The following KLC2 variants were observed in gnomAD, a reference collection of about 807,000 sequenced individuals.
KLC2 encodes kinesin light chain 2, also known as KLC 2.
Under a neutral mutation model 75.1 loss-of-function variants are expected in KLC2, and 35 were observed. The ratio of observed to expected loss-of-function variants is 0.47; its 90% CI spans 0.36 to 0.62. KLC2 has a LOEUF of 0.62. Among genes scored for constraint, KLC2 ranks in the 20% least tolerant of loss-of-function variants. The pLI is 0.00. For missense variants in KLC2, 611 were observed against 833.2 expected (o/e 0.73, Z 3.28); for synonymous variants, 314 against 336.7 (o/e 0.93, Z 0.74).
chr11:66,266,057 C>T (rs1856801781), intron 13 of KLC2, 36 bp from the exon 14 acceptor site: 2 of 1,613,722 alleles, frequency 1.2e-6, no homozygotes, highest in Non-Finnish European at 1.7e-6. Flanking sequence ...GCCTAGGTGG[C>T]CAGCGGGGCC....
chr11:66,249,465 T>G, the KLC2 span, among the ~76,000 whole-genome samples: 1 of 152,170 alleles, frequency 6.6e-6, no homozygotes, highest in African/African-American at 2.4e-5. Flanking sequence ...CGCCACCCCT[T>G]TCACCTGCCG....
upstream of KLC2, among the ~76,000 whole-genome samples, chr11:66,255,724 A>G (rs1230624172): frequency 6.6e-6 from 1 of 151,632 alleles, no homozygotes; most frequent in East Asian, 1.9e-4. Flanking sequence ...AGTCACAGAG[A>G]TAACTACATT....
At position 66,258,880 on chromosome 11, in the gene KLC2, G is replaced by A. The variant is rs557570808; in HGVS notation, c.228+58G>A. The A allele has an allele frequency of 2.5e-6, 3 of 1,202,742 alleles. No individual in the cohort carries two copies. In the African/African-American group the frequency reaches 4.5e-5, roughly 18 times the overall value. The allele number at this position is 1,202,742 out of a possible 1,614,324, so 74.5% of individuals were successfully genotyped here. On this transcript the variant is annotated intron_variant, in intron 2 of 15. Coordinates refer to ENST00000394067, the MANE Select transcript of KLC2 (RefSeq NM_001318734.2). ...CACTGGAGGGATCGAGCCTTCAAGAGGAATCCGGTAATGTAGGAGAAGAAT... is the reference window on the plus strand; with the variant it reads ...CACTGGAGGGATCGAGCCTTCAAGAAGAATCCGGTAATGTAGGAGAAGAAT...
chr11:66,261,757 T>G lies in KLC2; in HGVS notation c.244T>G (p.Ser82Ala). The change falls in exon 3 of 16, where the codon TCG becomes GCG. Residue 82 changes from serine to alanine, a missense_variant. Coordinates refer to ENST00000394067, the MANE Select transcript of KLC2 (RefSeq NM_001318734.2). ...LGEAQVILAL[S>A]SHLGAVESEK... The stretch of plus-strand genomic sequence containing the variant: ...GGTTGCACAGGTGATCTTGGCATTG[T>G]CGAGCCACCTGGGGGCTGTAGAATC... The G allele has an allele frequency of 6.2e-7, 1 of 1,611,638 alleles. No homozygotes were observed. The highest frequency in any genetic ancestry group is 8.5e-7 in the Non-Finnish European group (1 of 1,179,480).
rs1351716500 is a variant in KLC2 at position 66,264,100 on chromosome 11, C to T, written c.997C>T (p.Leu333=). 1 of 1,605,182 alleles carries T rather than the reference C, an allele frequency of 6.2e-7. No individual in the cohort carries two copies. The highest frequency in any genetic ancestry group is 8.5e-7 in the Non-Finnish European group (1 of 1,175,268). The stretch of plus-strand genomic sequence containing the variant: ...CAAGCAGCTCAGCAACCTGGCCCTG[C>T]TGTGCCAGAACCAGGGCAAAGCTGA... ...VAKQLSNLAL[L]CQNQGKAEEV... Residue 333 remains leucine, a synonymous_variant, in exon 8 of 16, where the codon CTG becomes TTG. Transcript: ENST00000394067.
intron 14 of KLC2, 56 bp from the exon 15 acceptor site, chr11:66,266,377 C>A: frequency 6.5e-7 from 1 of 1,534,692 alleles, no homozygotes. Context: ...TTCTCCCTGC[C>A]CCCATCTCCC....
At position 66,266,086 on chromosome 11, in the gene KLC2, C is replaced by T. The variant is rs761290676; in HGVS notation, c.1603-7C>T. 2.5e-6 allele frequency: 4 copies of T among 1,613,930 alleles called. No homozygotes were observed. The highest frequency in any genetic ancestry group is 4.5e-5 in the East Asian group (2 of 44,900). Reference sequence around the variant, plus strand: ...CGGGGCCTAGAGGCAAGCCTGTCCACCTGCAGGATGGCAGTGGCTCCTTGA... The same window carrying T: ...CGGGGCCTAGAGGCAAGCCTGTCCATCTGCAGGATGGCAGTGGCTCCTTGA... On this transcript the variant is annotated splice_region_variant and splice_polypyrimidine_tract_variant and intron_variant, in intron 13 of 15. Coordinates refer to ENST00000394067, the MANE Select transcript of KLC2 (RefSeq NM_001318734.2).
chr11:66,247,697 G>A, the KLC2 span, among the ~76,000 whole-genome samples: 13 of 151,646 alleles, frequency 8.6e-5, no homozygotes, highest in East Asian at 1.7e-3. Context: ...CCACAAGAAT[G>A]CAAGCTCCAA....
Position 66,261,882 on chromosome 11 carries a change from T to G in KLC2, c.369T>G (p.Ser123Arg), listed in dbSNP as rs1462468053. The G allele has an allele frequency of 3.1e-6, 5 of 1,614,132 alleles. No individual in the cohort carries two copies. Among genetic ancestry groups the G allele is most frequent in the South Asian group, 2.2e-5 (2 of 91,072 alleles). ...LAGTQQKLQR[S>R]EQAVAQLEEE... The stretch of plus-strand genomic sequence containing the variant: ...GGACACAGCAGAAGCTGCAGCGCAG[T>G]GAGCAGGCCGTGGCCCAGCTCGAGG... The change falls in exon 3 of 16, where the codon AGT becomes AGG. Residue 123 changes from serine (S) to arginine (R), a missense_variant. Physicochemically the swap from Ser to Arg is moderately radical, Grantham distance 110 (BLOSUM62 -1). Transcript: ENST00000394067.
In KLC2 at chr11:66,267,221, T is replaced by C; in HGVS notation, c.*265T>C. 1 of 1,533,038 alleles carries C rather than the reference T, an allele frequency of 6.5e-7. No individual in the cohort carries two copies. Among genetic ancestry groups the C allele is most frequent in the Non-Finnish European group, 8.8e-7 (1 of 1,131,144 alleles). 95.0% of individuals were successfully genotyped at this position (1,533,038 alleles called of 1,614,324 possible). Reference sequence around the variant, plus strand: ...CCAGCAGGAGGTGCCGGCTGGAGTCTCCACCATAGACTCAGTGGCCTGGCC... The same window carrying C: ...CCAGCAGGAGGTGCCGGCTGGAGTCCCCACCATAGACTCAGTGGCCTGGCC... On this transcript the variant is annotated 3_prime_UTR_variant, in exon 16 of 16. Transcript: ENST00000394067.
At chr11:66,259,412 AG>A (rs962659043) in intron 2 of KLC2, among the ~76,000 whole-genome samples, 1 of 152,250 alleles carries the variant, frequency 6.6e-6, no homozygotes, top group Non-Finnish European at 1.5e-5. Context: ...CCTCCAGGAA[AG>A]GGAGGCAGGG....
In KLC2 at chr11:66,258,729, T is replaced by G. The variant is rs1856183687; in HGVS notation, c.135T>G (p.Pro45=). 6.2e-7 allele frequency: 1 copy of G among 1,613,208 alleles called. No individual in the cohort carries two copies. The highest frequency in any genetic ancestry group is 1.7e-5 in the Admixed American group (1 of 60,002). ...HRALLAPLVA[P]EAGEAEPGSQ... is the part of the protein sequence containing the mutation. ...CCCTGCTGGCTCCTCTGGTTGCACC[T>G]GAGGCCGGCGAAGCCGAGCCTGGCT... Residue 45 remains proline (P), a synonymous_variant, in exon 2 of 16, where the codon CCT becomes CCG. Transcript: ENST00000394067.
chr11:66,264,995 C>T lies in KLC2; in HGVS notation c.1217-28C>T, dbSNP rs754888179. 7.4e-6 allele frequency: 12 copies of T among 1,611,432 alleles called. No individual in the cohort carries two copies. In the East Asian group the frequency reaches 2.7e-4, roughly 36 times the overall value. On this transcript the variant is annotated intron_variant, in intron 9 of 15. Coordinates refer to ENST00000394067, the MANE Select transcript of KLC2 (RefSeq NM_001318734.2). ...AACCAGGTGAGACCTATATGGTAGGCTGGTGACAGTCCCCTTTCTCTCCCC... is the reference window on the plus strand; with the variant it reads ...AACCAGGTGAGACCTATATGGTAGGTTGGTGACAGTCCCCTTTCTCTCCCC...
the KLC2 span, among the ~76,000 whole-genome samples, chr11:66,251,406 C>T: frequency 1.8e-3 from 240 of 135,250 alleles, 22 homozygotes; most frequent in African/African-American, 5.9e-3. Flanking sequence ...CCACAAGAAT[C>T]GCTTGAACCT....
In KLC2 at chr11:66,264,407, C is replaced by T. The variant is rs766996193; in HGVS notation, c.1179C>T (p.Leu393=). Residue 393 remains leucine, a synonymous_variant, in exon 9 of 16, where the codon CTC becomes CTT. Coordinates refer to ENST00000394067, the MANE Select transcript of KLC2 (RefSeq NM_001318734.2). The part of the protein sequence containing the change: ...QDAETLYKEI[L]TRAHEKEFGS... The stretch of plus-strand genomic sequence containing the variant: ...CGGAGACCTTGTACAAGGAGATCCT[C>T]ACCCGCGCTCATGAGAAAGAGTTTG... 6.2e-7 allele frequency: 1 copy of T among 1,613,586 alleles called. No homozygotes were observed. The highest frequency in any genetic ancestry group is 8.5e-7 in the Non-Finnish European group (1 of 1,179,828).
rs1856559111 is a variant in KLC2, at chr11:66,263,168, T to C, written c.752+132T>C. 3 of 659,152 alleles carry C rather than the reference T, an allele frequency of 4.6e-6. No homozygotes were observed. The African/African-American group carries it at 5.4e-5, about 12-fold the overall frequency. 40.8% of individuals were successfully genotyped at this position (659,152 alleles called of 1,614,324 possible). On this transcript the variant is annotated intron_variant, in intron 5 of 15. Coordinates refer to ENST00000394067, the MANE Select transcript of KLC2 (RefSeq NM_001318734.2). Reference sequence around the variant, plus strand: ...GCTGGGCTACAGATGCAAGTAAAACTGTCTAGTGTAAGAGAGAGGCTTGGC... The same window carrying C: ...GCTGGGCTACAGATGCAAGTAAAACCGTCTAGTGTAAGAGAGAGGCTTGGC...
At position 66,267,032 on chromosome 11, in the gene KLC2, T is replaced by G; in HGVS notation, c.*76T>G. On this transcript the variant is annotated 3_prime_UTR_variant, in exon 16 of 16. Transcript: ENST00000394067. The stretch of plus-strand genomic sequence containing the variant: ...ACCCCAGCCCTGCGCATGGGCCTGC[T>G]GCTTGTCCCGCCTGTCTCTCCCACA... The G allele has an allele frequency of 1.9e-6, 3 of 1,558,338 alleles. No individual in the cohort carries two copies. The highest frequency in any genetic ancestry group is 2.6e-6 in the Non-Finnish European group (3 of 1,154,810).
chr11:66,259,185 A>G (rs1030893482), intron 2 of KLC2, among the ~76,000 whole-genome samples: 3 of 152,238 alleles, frequency 2.0e-5, no homozygotes, highest in African/African-American at 7.2e-5. Flanking sequence ...CCAGGGTGTT[A>G]GGTGGATACA....
upstream of KLC2, among the ~76,000 whole-genome samples, chr11:66,252,488 T>C (rs189220360): frequency 2.3e-3 from 353 of 152,112 alleles, no homozygotes; most frequent in Non-Finnish European, 4.2e-3. Context: ...TGGTCTCGAT[T>C]TCCTGACCTC....
Sources: allele counts gnomAD v4.1 joint callset (sites outside exome capture counted in the v4.1 genomes callset), GRCh38; gene constraint gnomAD v4.1.1; transcripts MANE v1.5; gene names NCBI Gene and HGNC (gene_info 2026-07-23, HGNC 2026-07-21).